EP300: variants seen among roughly 807,000 people sequenced by gnomAD.
EP300 encodes the protein histone acetyltransferase p300.
A neutral mutation model predicts 264.0 loss-of-function variants in EP300; 31 were observed. The observed-to-expected ratio is 0.12, with a 90% CI of 0.09 to 0.16. The LOEUF (loss-of-function observed/expected upper bound fraction) is 0.16, where lower values mean the gene tolerates loss of function less well. Ranked by LOEUF, EP300 falls within the 10% of genes least tolerant of loss-of-function variation. The pLI, the probability that EP300 is intolerant of heterozygous loss-of-function variation, is 1.00. For missense variants in EP300, 2,766 were observed against 3,052.9 expected, an observed-to-expected ratio of 0.91 and a Z score of 2.21; for synonymous variants, 1,340 against 1,045.4, an observed-to-expected ratio of 1.28 and a Z score of -5.44.
At chr22:41,112,623 G>A (rs2058799108) in intron 1 of EP300, among the ~76,000 whole-genome samples, 1 of 151,878 alleles carries the variant, frequency 6.6e-6, no homozygotes, top group African/African-American at 2.4e-5. Context: ...CCTTTGGTTT[G>A]CTCTTTTTAA....
chr22:41,135,625 T>C (rs1012713059), intron 6 of EP300, among the ~76,000 whole-genome samples, 188 bp from the exon 7 acceptor site: 2 of 152,182 alleles, frequency 1.3e-5, no homozygotes, highest in East Asian at 3.8e-4. Flanking sequence ...TTCATCTTTT[T>C]CTTACCTGTT....
intron 1 of EP300, among the ~76,000 whole-genome samples, chr22:41,104,189 CAGTTA>C (rs2058745875): frequency 6.6e-6 from 1 of 152,102 alleles, no homozygotes; most frequent in Non-Finnish European, 1.5e-5. Context: ...TGTTCAGTGA[CAGTTA>C]AGTTAGCACA....
At chr22:41,145,522 C>A (rs959748929) in intron 10 of EP300, among the ~76,000 whole-genome samples, 7 of 152,286 alleles carry the variant, frequency 4.6e-5, no homozygotes, top group African/African-American at 1.2e-4. Context: ...CTGTCCTTTC[C>A]GAGGGTGCTG....
intron 30 of EP300, 102 bp from the exon 31 acceptor site, chr22:41,176,671 T>C: frequency 4.3e-6 from 7 of 1,611,914 alleles, no homozygotes; most frequent in Non-Finnish European, 5.1e-6. Context: ...AGGCTAGTTT[T>C]TGTTCTACGA....
At chr22:41,134,440 C>A (rs1454641823) in intron 6 of EP300, among the ~76,000 whole-genome samples, 1 of 152,118 alleles carries the variant, frequency 6.6e-6, no homozygotes, top group Non-Finnish European at 1.5e-5. Flanking sequence ...CTGTGTCACC[C>A]AGGCTGGAGT....
intron 1 of EP300, among the ~76,000 whole-genome samples, chr22:41,100,633 G>T (rs1304827122): frequency 1.3e-5 from 2 of 151,926 alleles, no homozygotes; most frequent in Admixed American, 6.6e-5. Context: ...ACAATACAGT[G>T]CACCAACTAT....
chr22:41,110,014 A>T (rs1168058821), intron 1 of EP300, among the ~76,000 whole-genome samples: 3 of 151,096 alleles, frequency 2.0e-5, no homozygotes, highest in Non-Finnish European at 4.4e-5. Context: ...GGGTTTCACC[A>T]TCTTGGCCAG....
chr22:41,146,815 T>G lies in EP300; in HGVS notation c.2130T>G (p.Ser710=). The part of the protein sequence containing the change: ...NQMMPRITPQ[S]GLNQFGQMSM... ...TGATGCCTCGAATAACTCCACAATC[T>G]GGTAAATAGTGAAAAAAATTTTTTT... Residue 710 remains serine (S), a splice_region_variant and synonymous_variant, in exon 11 of 31, where the codon TCT becomes TCG. Coordinates refer to ENST00000263253, the MANE Select transcript of EP300 (RefSeq NM_001429.4). 6.2e-7 allele frequency: 1 copy of G among 1,613,910 alleles called. No homozygotes were observed. The highest frequency in any genetic ancestry group is 1.3e-5 in the African/African-American group (1 of 75,036).
intron 1 of EP300, among the ~76,000 whole-genome samples, chr22:41,106,456 C>T (rs1401158962): frequency 1.3e-5 from 2 of 152,160 alleles, no homozygotes; most frequent in Non-Finnish European, 2.9e-5. Flanking sequence ...TCATCACTCA[C>T]TTTGTTCTCC....
chr22:41,142,786 T>C (rs2058990501), intron 10 of EP300, among the ~76,000 whole-genome samples: 1 of 152,002 alleles, frequency 6.6e-6, no homozygotes. Flanking sequence ...CTCAAGAGGC[T>C]GAGGCAGGAG....
chr22:41,120,556 G>A (rs1036066630), intron 2 of EP300, among the ~76,000 whole-genome samples: 3 of 152,128 alleles, frequency 2.0e-5, no homozygotes, highest in South Asian at 2.1e-4. Flanking sequence ...TCTTGTCATG[G>A]ATGAATCTGT....
chr22:41,168,876 A>G lies in EP300; in HGVS notation c.4172+9A>G. 1 of 1,614,168 alleles carries G rather than the reference A, an allele frequency of 6.2e-7. No individual in the cohort carries two copies. The highest frequency in any genetic ancestry group is 1.3e-5 in the African/African-American group (1 of 75,064). ...CCTCCACCCAACCAGAGGTATGACT[A>G]GCTCACAGTGGCTAGCTCCGGATTT... On this transcript the variant is annotated intron_variant, in intron 25 of 30. Transcript: ENST00000263253.
At chr22:41,121,446 A>G (rs2145702017) in intron 2 of EP300, among the ~76,000 whole-genome samples, 1 of 152,300 alleles carries the variant, frequency 6.6e-6, no homozygotes, top group South Asian at 2.1e-4. Flanking sequence ...GTTGGTTGGT[A>G]TTTTATTTTC....
chr22:41,124,550 A>G (rs2058870016), intron 2 of EP300, among the ~76,000 whole-genome samples: 1 of 152,032 alleles, frequency 6.6e-6, no homozygotes, highest in African/African-American at 2.4e-5. Context: ...TAATCGCAGC[A>G]CTTTGGGAAG....
chr22:41,109,253 CAA>C (rs71328769), intron 1 of EP300, among the ~76,000 whole-genome samples: 4 of 116,420 alleles, frequency 3.4e-5, no homozygotes, highest in Admixed American at 8.8e-5. Context: ...GACCCTGTCT[CAA>C]AAAAAAAAAA....
At chr22:41,169,389 G>A (rs751229407) in intron 25 of EP300, 114 bp from the exon 26 acceptor site, 8 of 742,688 alleles carry the variant, frequency 1.1e-5, no homozygotes, top group East Asian at 2.6e-5. Flanking sequence ...CACAAATAAC[G>A]ATGTGAGCAA....
chr22:41,094,588 C>G (rs1264155462), intron 1 of EP300, among the ~76,000 whole-genome samples: 1 of 152,150 alleles, frequency 6.6e-6, no homozygotes, highest in Non-Finnish European at 1.5e-5. Flanking sequence ...TTTTTTCCTT[C>G]AGAATTCATA....
chr22:41,166,690 A>AT (rs1459618854), intron 23 of EP300, 24 bp downstream of exon 23: 1 of 1,581,676 alleles, frequency 6.3e-7, no homozygotes, highest in Non-Finnish European at 8.7e-7. Flanking sequence ...TTAAAGGTAA[A>AT]TTTTGGCAAA....
rs1482290045 is a variant in EP300 at position 41,179,379 on chromosome 22, TG to T, written c.*425del. 1 of 212,880 alleles carries T rather than the reference TG, an allele frequency of 4.7e-6. No homozygotes were observed. The highest frequency in any genetic ancestry group is 9.5e-6 in the Non-Finnish European group (1 of 105,084). The allele number at this position is 212,880 out of a possible 1,614,324, so 13.2% of individuals were successfully genotyped here. A position where few individuals can be genotyped will look rare whatever the true frequency, so the allele number is the denominator to read the frequency against. ...ATTTTTCCCTATTTTCCTCACTTTA[TG>T]GAAGAGTTAAAACATTTCTAAACCA... On this transcript the variant is annotated 3_prime_UTR_variant, in exon 31 of 31. Transcript: ENST00000263253.
Sources: allele counts gnomAD v4.1 joint callset (sites outside exome capture counted in the v4.1 genomes callset), GRCh38; gene constraint gnomAD v4.1.1; transcripts MANE v1.5; gene names NCBI Gene and HGNC (gene_info 2026-07-23, HGNC 2026-07-21).